VEGFD: variants seen among roughly 807,000 people sequenced by gnomAD.
The protein encoded by VEGFD is c-fos induced growth factor (vascular endothelial growth factor D).
VEGFD carries 26 observed loss-of-function variants against 28.0 expected under a neutral mutation model. The observed-to-expected ratio is 0.93, with a 90% confidence interval of 0.68 to 1.29. The LOEUF is 1.29. VEGFD is among the 50% of genes most tolerant of loss of function. VEGFD has a pLI of 0.00. For missense variants in VEGFD, 294 were observed against 273.4 expected, an observed-to-expected ratio of 1.08 and a Z score of -0.53; for synonymous variants, 93 against 95.5, an observed-to-expected ratio of 0.97 and a Z score of 0.15.
At chrX:15,381,572 C>T (rs1923573046) in intron 1 of VEGFD, among the ~76,000 whole-genome samples, 1 of 110,092 alleles carries the variant, frequency 9.1e-6, no homozygotes, top group Admixed American at 9.6e-5. Context: ...CACCCTAAAC[C>T]ATTACCACCA....
At chrX:15,375,783 G>C (rs1394317184) in intron 1 of VEGFD, among the ~76,000 whole-genome samples, 1 of 111,200 alleles carries the variant, frequency 9.0e-6, no homozygotes, top group Non-Finnish European at 1.9e-5. Flanking sequence ...GACATACTAG[G>C]GGACTAAATG....
chrX:15,383,262 T>C (rs1923629437), intron 1 of VEGFD, among the ~76,000 whole-genome samples: 1 of 112,398 alleles, frequency 8.9e-6, no homozygotes, highest in Non-Finnish European at 1.9e-5. Flanking sequence ...TTACTCTCTG[T>C]TCGTTAAGCT....
intron 1 of VEGFD, among the ~76,000 whole-genome samples, chrX:15,374,360 T>A (rs1407597059): frequency 8.9e-6 from 1 of 112,269 alleles, no homozygotes; most frequent in African/African-American, 3.2e-5. Flanking sequence ...CAGCAATCGA[T>A]GTAATACTAC....
chrX:15,355,384 G>C (rs1453903036), intron 3 of VEGFD, 86 bp from the exon 4 acceptor site: 1 of 790,924 alleles, frequency 1.3e-6, no homozygotes, highest in African/African-American at 2.2e-5. Flanking sequence ...TTTTGCCTTT[G>C]TCATTTACGG....
chrX:15,353,273 A>G (rs759814349), intron 4 of VEGFD, 105 bp from the exon 5 acceptor site: 94 of 362,510 alleles, frequency 2.6e-4, no homozygotes, highest in African/African-American at 2.4e-3. Context: ...GATTTTTTAA[A>G]TTTATTTTTT....
At chrX:15,374,646 T>C (rs150597167) in intron 1 of VEGFD, among the ~76,000 whole-genome samples, 1,503 of 111,724 alleles carry the variant, frequency 0.013, 9 homozygotes, top group Non-Finnish European at 0.021. Flanking sequence ...CGTATCCTAA[T>C]TATGGTTGTG....
intron 5 of VEGFD, among the ~76,000 whole-genome samples, chrX:15,349,738 C>T (rs1922642221): frequency 9.0e-6 from 1 of 111,462 alleles, no homozygotes; most frequent in Non-Finnish European, 1.9e-5. Context: ...ATTCACTAAC[C>T]TAAATGTGCT....
At chrX:15,350,883 G>A (rs1602221112) in intron 5 of VEGFD, among the ~76,000 whole-genome samples, 1 of 51,927 alleles carries the variant, frequency 1.9e-5, no homozygotes, top group East Asian at 5.1e-4. Flanking sequence ...TTTTTTGGAG[G>A]CAGAGTCTCA....
At chrX:15,351,047 T>A (rs1461378303) in intron 5 of VEGFD, among the ~76,000 whole-genome samples, 1,017 of 85,478 alleles carry the variant, frequency 0.012, 74 homozygotes, top group African/African-American at 0.041. Context: ...TTTTTTTTTT[T>A]TTTTTTTTTT....
intron 5 of VEGFD, among the ~76,000 whole-genome samples, chrX:15,350,495 A>T (rs1922661741): frequency 1.8e-5 from 2 of 112,102 alleles, no homozygotes; most frequent in African/African-American, 6.5e-5. Flanking sequence ...TTTAAGACTT[A>T]CCCCCGCAGG....
chrX:15,360,219 C>T (rs1922976068), intron 2 of VEGFD, among the ~76,000 whole-genome samples: 1 of 111,239 alleles, frequency 9.0e-6, no homozygotes, highest in African/African-American at 3.3e-5. Flanking sequence ...TCATATGTTG[C>T]TTCTTCAATC....
chrX:15,354,860 A>G (rs1922823911), intron 4 of VEGFD, among the ~76,000 whole-genome samples: 1 of 111,678 alleles, frequency 9.0e-6, no homozygotes, highest in Admixed American at 9.5e-5. Context: ...TTGAGGTTAC[A>G]GCGGTTTTAC....
At chrX:15,346,352 T>A in intron 6 of VEGFD, 93 bp from the exon 7 acceptor site, 2 of 997,711 alleles carry the variant, frequency 2.0e-6, no homozygotes, top group Non-Finnish European at 2.7e-6. Flanking sequence ...TTTCCAGACA[T>A]GTATTTAAAA....
chrX:15,355,381 T>TCAACCTCCCAAAGTGCTGGGA, intron 3 of VEGFD, 83 bp from the exon 4 acceptor site: 3 of 859,795 alleles, frequency 3.5e-6, no homozygotes, highest in Non-Finnish European at 3.1e-6. Flanking sequence ...AATTTTTGCC[T>TCAACCTCCCAAAGTGCTGGGA]TTGTCATTTA....
Position 15,358,196 on chromosome X carries a change from G to T in VEGFD, c.302-3C>A. ...TCTTTGCCATTCTTCATCTATAACT[G>T]CAGAGAGAAAGAAAGCTCACTGGGG... On this transcript the variant is annotated splice_region_variant and splice_polypyrimidine_tract_variant and intron_variant, in intron 2 of 6. Transcript: ENST00000297904. The T allele has an allele frequency of 8.3e-7, 1 of 1,199,773 alleles. No individual in the cohort carries two copies. Among genetic ancestry groups the T allele is most frequent in the Non-Finnish European group, 1.1e-6 (1 of 889,345 alleles).
chrX:15,348,272 C>T (rs1172716307), intron 5 of VEGFD, among the ~76,000 whole-genome samples: 1 of 111,891 alleles, frequency 8.9e-6, no homozygotes, highest in Non-Finnish European at 1.9e-5. Flanking sequence ...TTTCCATCCC[C>T]ACTACCACTC....
chrX:15,382,519 A>G lies in VEGFD; in HGVS notation c.90+1338T>C, dbSNP rs1446089009. Among the ~76,000 whole-genome samples the G allele has an allele frequency of 2.7e-5, 3 of 111,422 alleles. No individual in the cohort carries two copies. In the East Asian group the frequency reaches 8.4e-4, roughly 31 times the overall value. On this transcript the variant is annotated intron_variant, in intron 1 of 6. Transcript: ENST00000297904. ...AAATATTTTAAAACTCGAGGAGCCC[A>G]GCACATCTAAAGGATTTCTGTTTCA...
chrX:15,346,947 A>C (rs1323230625), intron 6 of VEGFD, among the ~76,000 whole-genome samples: 1 of 111,104 alleles, frequency 9.0e-6, no homozygotes, highest in Non-Finnish European at 1.9e-5. Context: ...AAAGCTCTAC[A>C]CACATAATAA....
chrX:15,350,268 T>C (rs1922655425), intron 5 of VEGFD, among the ~76,000 whole-genome samples: 1 of 111,659 alleles, frequency 9.0e-6, no homozygotes. Context: ...TCTTCCAGTA[T>C]GTTCTCTCAC....
Sources: gnomAD v4.1 joint callset for allele counts (sites outside exome capture counted in the v4.1 genomes callset) on GRCh38, gnomAD v4.1.1 for gene constraint, MANE v1.5 for transcripts, NCBI Gene and HGNC (gene_info 2026-07-23, HGNC 2026-07-21) for gene names.